The following SRBD1 variants were observed in gnomAD, a reference collection of about 807,000 sequenced individuals.
SRBD1 encodes S1 RNA binding domain 1.
SRBD1 carries 88 observed loss-of-function variants against 115.3 expected under a neutral mutation model. The observed-to-expected ratio is 0.76, with a 90% CI of 0.64 to 0.91. The LOEUF (loss-of-function observed/expected upper bound fraction) is 0.91, where lower values mean the gene tolerates loss of function less well. Ranked by LOEUF, SRBD1 falls within the 40% of genes least tolerant of loss-of-function variation. SRBD1 has a pLI of 0.00. For synonymous variants in SRBD1, 509 were observed against 407.7 expected (o/e 1.25, Z -2.99); for missense variants, 1,385 against 1,177.4 (o/e 1.18, Z -2.58).
intron 16 of SRBD1, among the ~76,000 whole-genome samples, chr2:45,471,157 C>T (rs1227483771): frequency 6.6e-6 from 1 of 152,080 alleles, no homozygotes; most frequent in East Asian, 1.9e-4. Context: ...AATGGCTATA[C>T]ATTTTACAAC....
At position 45,392,983 on chromosome 2, in the gene SRBD1, T is replaced by A; in HGVS notation, c.2660A>T (p.Asp887Val). 2 of 1,612,842 alleles carry A rather than the reference T, an allele frequency of 1.2e-6. No individual in the cohort carries two copies. Among genetic ancestry groups the A allele is most frequent in the Non-Finnish European group, 1.7e-6 (2 of 1,179,246 alleles). Residue 887 changes from aspartate to valine, a missense_variant, in exon 20 of 21, where the codon GAT becomes GTT. Physicochemically the swap from Asp to Val is radical, Grantham distance 152. Transcript: ENST00000263736. ...TTVHTLQVII[D>V]GLSQPESFDF... Reference sequence around the variant, plus strand: ...AAAGCTTTCAGGCTGGCTGAGACCATCTATGATGACCTGTAAGGTGTGTAC... The same window carrying A: ...AAAGCTTTCAGGCTGGCTGAGACCAACTATGATGACCTGTAAGGTGTGTAC...
chr2:45,547,522 T>C lies in SRBD1; in HGVS notation c.1766A>G (p.Asn589Ser), dbSNP rs763543477. The change falls in exon 13 of 21, where the codon AAC becomes AGC. Residue 589 changes from asparagine (N) to serine (S), a missense_variant and splice_region_variant. Physicochemically the swap from Asn to Ser is conservative, Grantham distance 46. Transcript: ENST00000263736. The part of the protein sequence containing the change: ...EKIKTLLLNF[N>S]CSTVVIGNGT... The stretch of plus-strand genomic sequence containing the variant: ...TTCAAAAGATTACTTATTTTCATAC[T>C]TGAAATTCAGCAAAAGTGTCTTTAT... 1.7e-5 allele frequency: 27 copies of C among 1,613,196 alleles called. No individual in the cohort carries two copies. The highest frequency in any genetic ancestry group is 2.2e-5 in the East Asian group (1 of 44,870).
Position 45,421,808 on chromosome 2 carries a change from G to T in SRBD1, c.2050-1914C>A, listed in dbSNP as rs551731269. ...TGTTCTGGAAGACTGAAGGGTACAG[G>T]AGCACTTCTGTATTTCAGAGATAAC... On this transcript the variant is annotated intron_variant, in intron 16 of 20. Transcript: ENST00000263736. Among the ~76,000 whole-genome samples the T allele has an allele frequency of 1.1e-4, 16 of 152,190 alleles. No homozygotes were observed. The South Asian group carries it at 1.9e-3, about 18-fold the overall frequency.
At chr2:45,535,092 C>T (rs1363500627) in intron 14 of SRBD1, among the ~76,000 whole-genome samples, 7 of 151,982 alleles carry the variant, frequency 4.6e-5, no homozygotes, top group Non-Finnish European at 8.8e-5. Flanking sequence ...TCAGTGTCCA[C>T]AAATTTGAAA....
At chr2:45,436,906 C>T (rs714041) in intron 16 of SRBD1, among the ~76,000 whole-genome samples, 6 of 151,962 alleles carry the variant, frequency 3.9e-5, no homozygotes, top group Admixed American at 1.3e-4. Context: ...GGAACTAATA[C>T]GTGATCACAG....
rs72882469 is a variant in SRBD1 at position 45,575,575 on chromosome 2, G to A, written c.1073-852C>T. On this transcript the variant is annotated intron_variant, in intron 7 of 20. Transcript: ENST00000263736. ...GTAATAAGGTACAAAAGCCAAAGAG[G>A]ACAGGAAGATATTTGTTATGGCATA... Among the ~76,000 whole-genome samples, 1,498 of 152,296 alleles carry A rather than the reference G, an allele frequency of 9.8e-3. 29 individuals are homozygous for A. Among genetic ancestry groups the A allele is most frequent in the African/African-American group, 0.034 (1,421 of 41,562 alleles).
intron 3 of SRBD1, among the ~76,000 whole-genome samples, chr2:45,600,685 T>C (rs1448786240): frequency 6.6e-6 from 1 of 152,118 alleles, no homozygotes; most frequent in African/African-American, 2.4e-5. Flanking sequence ...ACAGCTCAAG[T>C]GTGAAGAAAT....
rs1279302508 is a variant in SRBD1 at position 45,414,948 on chromosome 2, GTACA to G, written c.2334-1659_2334-1656del. The stretch of plus-strand genomic sequence containing the variant: ...GTACACACACAGTGTTATATAGTAT[GTACA>G]TACACACACATATAGTGTGTATATA... On this transcript the variant is annotated intron_variant, in intron 18 of 20. Coordinates refer to ENST00000263736, the MANE Select transcript of SRBD1 (RefSeq NM_018079.5). Among the ~76,000 whole-genome samples, 17 of 116,612 alleles carry G rather than the reference GTACA, an allele frequency of 1.5e-4. 5 individuals carry two copies. Among genetic ancestry groups the G allele is most frequent in the Non-Finnish European group, 2.0e-4 (12 of 60,428 alleles). The allele number at this position is 116,612 out of a possible 152,430, so 76.5% of individuals were successfully genotyped here.
chr2:45,529,312 G>A (rs1180854449), intron 14 of SRBD1, among the ~76,000 whole-genome samples: 3 of 151,778 alleles, frequency 2.0e-5, no homozygotes, highest in Admixed American at 2.0e-4. Flanking sequence ...GTAGTCAGAA[G>A]GAAGATGGGG....
At chr2:45,585,912 G>T in intron 4 of SRBD1, 138 bp from the exon 5 acceptor site, 1 of 657,226 alleles carries the variant, frequency 1.5e-6, no homozygotes, top group Non-Finnish European at 2.4e-6. Flanking sequence ...AAAAAAGAAA[G>T]CCATATAAAA....
intron 14 of SRBD1, among the ~76,000 whole-genome samples, chr2:45,505,219 G>T (rs181920507): frequency 6.6e-5 from 10 of 152,252 alleles, no homozygotes; most frequent in Admixed American, 2.0e-4. Flanking sequence ...ACATTTTTCA[G>T]CAAGTAAAGG....
intron 10 of SRBD1, among the ~76,000 whole-genome samples, chr2:45,558,685 A>ATTTTT (rs1214807980): frequency 1.3e-3 from 112 of 89,480 alleles, no homozygotes; most frequent in African/African-American, 1.4e-3. Context: ...CCACACAATT[A>ATTTTT]TTTTTTTTTT....
intron 1 of SRBD1, among the ~76,000 whole-genome samples, chr2:45,609,435 C>T (rs1309406195): frequency 6.6e-6 from 1 of 152,188 alleles, no homozygotes; most frequent in Non-Finnish European, 1.5e-5. Context: ...TCCCTACTTC[C>T]ACTCTTGCCC....
At chr2:45,524,787 AAGCTGAT>A (rs1671390652) in intron 14 of SRBD1, among the ~76,000 whole-genome samples, 1 of 152,084 alleles carries the variant, frequency 6.6e-6, no homozygotes, top group Admixed American at 6.6e-5. Flanking sequence ...AGAAATTGAC[AAGCTGAT>A]TCTAAAATTC....
intron 14 of SRBD1, among the ~76,000 whole-genome samples, chr2:45,521,294 C>A (rs371320688): frequency 1.7e-5 from 2 of 120,446 alleles, no homozygotes; most frequent in African/African-American, 1.0e-4. Flanking sequence ...AAAACACACA[C>A]ACACACACAC....
At chr2:45,439,165 G>T (rs1668586625) in intron 16 of SRBD1, among the ~76,000 whole-genome samples, 1 of 151,816 alleles carries the variant, frequency 6.6e-6, no homozygotes, top group Non-Finnish European at 1.5e-5. Flanking sequence ...ACGGAAAAGG[G>T]ATTTTTAGAT....
chr2:45,541,798 A>T (rs1275580318), intron 14 of SRBD1, among the ~76,000 whole-genome samples: 2 of 152,220 alleles, frequency 1.3e-5, no homozygotes, highest in African/African-American at 4.8e-5. Context: ...TCCTTCCCAT[A>T]GCTGGTAGTC....
At chr2:45,490,744 T>G (rs569385709) in intron 14 of SRBD1, among the ~76,000 whole-genome samples, 2 of 152,138 alleles carry the variant, frequency 1.3e-5, no homozygotes, top group South Asian at 4.1e-4. Flanking sequence ...TGAGGGAAAC[T>G]ATTGCAAAGA....
chr2:45,532,383 T>C (rs1331981742), intron 14 of SRBD1, among the ~76,000 whole-genome samples: 1 of 151,814 alleles, frequency 6.6e-6, no homozygotes, highest in Non-Finnish European at 1.5e-5. Flanking sequence ...TCATGGCACA[T>C]TTATAAAGAA....
Sources: allele counts gnomAD v4.1 joint callset (sites outside exome capture counted in the v4.1 genomes callset), GRCh38; gene constraint gnomAD v4.1.1; transcripts MANE v1.5; gene names NCBI Gene and HGNC (gene_info 2026-07-23, HGNC 2026-07-21).